Variants in AZIN2 observed in about 807,000 individuals in gnomAD.
AZIN2 encodes the protein antizyme inhibitor 2.
A neutral mutation model predicts 47.8 loss-of-function variants in AZIN2; 28 were observed. That is an observed-to-expected ratio of 0.59 (90% CI 0.43 to 0.80). AZIN2 has a LOEUF of 0.80. Ranked by LOEUF, AZIN2 falls within the 30% of genes least tolerant of loss-of-function variation. The pLI, the probability that AZIN2 is intolerant of heterozygous loss-of-function variation, is 0.00. For missense variants in AZIN2, 535 were observed against 582.5 expected (o/e 0.92, Z 0.84); for synonymous variants, 221 against 239.4 (o/e 0.92, Z 0.71).
the AZIN2 span, chr1:33,147,438 G>C: frequency 6.2e-7 from 1 of 1,613,912 alleles, no homozygotes; most frequent in Non-Finnish European, 8.5e-7. The surrounding 1 kb of genome is among the most constrained non-coding windows in gnomAD (Gnocchi z 8.1). Flanking sequence ...CGTGCATCAC[G>C]ATGCAGTAGA....
At chr1:33,096,953 C>G in intron 9 of AZIN2, 84 bp downstream of exon 9, 1 of 1,546,858 alleles carries the variant, frequency 6.5e-7, no homozygotes, top group Non-Finnish European at 8.9e-7. Context: ...GTTTTAGACC[C>G]AGTGGCAGAG....
At chr1:33,138,565 T>TCGTG in the AZIN2 span, among the ~76,000 whole-genome samples, 1 of 149,390 alleles carries the variant, frequency 6.7e-6, no homozygotes, top group Non-Finnish European at 1.5e-5. Flanking sequence ...GGCACTGTGA[T>TCGTG]CGTGCCACTG....
At chr1:33,089,254 C>T (rs74064964) in intron 5 of AZIN2, among the ~76,000 whole-genome samples, 2 of 152,148 alleles carry the variant, frequency 1.3e-5, no homozygotes, top group Admixed American at 6.5e-5. Flanking sequence ...ATACTTAATG[C>T]AGTGACTGGC....
the AZIN2 span, among the ~76,000 whole-genome samples, chr1:33,143,873 A>G: frequency 6.6e-6 from 1 of 152,364 alleles, no homozygotes; most frequent in South Asian, 2.1e-4. Flanking sequence ...GTTTGCCAGC[A>G]TAATTTCACA....
intron 8 of AZIN2, 113 bp downstream of exon 8, chr1:33,094,826 C>CA: frequency 6.9e-6 from 8 of 1,166,020 alleles, no homozygotes; most frequent in Non-Finnish European, 9.9e-6. Flanking sequence ...GCATGCAGTG[C>CA]TTGGTGCTTA....
chr1:33,152,344 T>G, the AZIN2 span, among the ~76,000 whole-genome samples: 1 of 152,100 alleles, frequency 6.6e-6, no homozygotes, highest in Non-Finnish European at 1.5e-5. Flanking sequence ...GGCAGGCGGA[T>G]CACCTGAGGT....
At chr1:33,116,738 C>T (rs933280055) in intron 10 of AZIN2, among the ~76,000 whole-genome samples, 16 of 152,114 alleles carry the variant, frequency 1.1e-4, no homozygotes, top group African/African-American at 3.9e-4. Flanking sequence ...GAGCATGGAG[C>T]TTTAGGAAAG....
chr1:33,092,854 C>G (rs1370537952), intron 6 of AZIN2, among the ~76,000 whole-genome samples: 1 of 152,128 alleles, frequency 6.6e-6, no homozygotes, highest in African/African-American at 2.4e-5. Context: ...CACCCTTGGA[C>G]TTCCCAGGAG....
At chr1:33,156,125 G>T in the AZIN2 span, among the ~76,000 whole-genome samples, 1 of 152,200 alleles carries the variant, frequency 6.6e-6, no homozygotes, top group Non-Finnish European at 1.5e-5. Flanking sequence ...CGCAGTCAAG[G>T]CTGGGCTGCA....
chr1:33,165,607 C>G, the AZIN2 span: 8 of 1,544,776 alleles, frequency 5.2e-6, no homozygotes, highest in Non-Finnish European at 7.0e-6. This position sits in a 1 kb window ranked among gnomAD's most constrained non-coding sequence, Gnocchi z 4.0. Flanking sequence ...AGGGGCCATG[C>G]CTGGCCCAGG....
chr1:33,117,241 T>C (rs1644586705), intron 10 of AZIN2, among the ~76,000 whole-genome samples: 1 of 152,192 alleles, frequency 6.6e-6, no homozygotes, highest in Non-Finnish European at 1.5e-5. Flanking sequence ...AAGTCCATCT[T>C]TCTCATTAGA....
chr1:33,094,474 T>C, intron 7 of AZIN2, 74 bp from the exon 8 acceptor site: 1 of 1,486,854 alleles, frequency 6.7e-7, no homozygotes, highest in East Asian at 2.3e-5. Context: ...CTGCCCAATG[T>C]CATTCTTGGC....
Position 33,116,403 on chromosome 1 carries a change from TC to T in AZIN2, c.1030-1497del, listed in dbSNP as rs562961198. 2.9e-3 allele frequency among the ~76,000 whole-genome samples: 442 copies of T among 152,348 alleles called. 4 individuals carry two copies. The highest frequency in any genetic ancestry group is 0.01 in the African/African-American group (426 of 41,584). On this transcript the variant is annotated intron_variant, in intron 10 of 11. Coordinates refer to ENST00000294517, the MANE Select transcript of AZIN2 (RefSeq NM_052998.4). ...TCTGGCTAAGGTATTGAAACGCCTT[TC>T]CTTTTTTCTCTGCTGGTCTTCTCTG...
In AZIN2 at chr1:33,113,459, AT is replaced by A. The variant is rs1227403048; in HGVS notation, c.1030-4439del. Among the ~76,000 whole-genome samples, 1 of 151,856 alleles carries A rather than the reference AT, an allele frequency of 6.6e-6. No individual in the cohort carries two copies. The highest frequency in any genetic ancestry group is 1.5e-5 in the Non-Finnish European group (1 of 67,970). On this transcript the variant is annotated intron_variant, in intron 10 of 11. Transcript: ENST00000294517. The surrounding 1 kb of genome is among the most constrained non-coding windows in gnomAD (Gnocchi z 4.1). ...TAGTAACCACACCCACCCCCTTAAGATTTTCCAGGTGGGCAAATACGTTATC... is the reference window on the plus strand; with the variant it reads ...TAGTAACCACACCCACCCCCTTAAGATTTCCAGGTGGGCAAATACGTTATC...
rs1225674150 is a variant in AZIN2 at position 33,096,858 on chromosome 1, C to G, written c.905C>G (p.Pro302Arg). Residue 302 changes from proline to arginine, a missense_variant, in exon 9 of 12, where the codon CCT becomes CGT. Pro to Arg is a moderately radical substitution (Grantham distance 103, BLOSUM62 -2). Around this residue, in one of 3 missense-constraint regions of AZIN2, gnomAD observed 409 missense variants for 429.0 expected, o/e 0.95. Transcript: ENST00000294517. ...AAGAAGGAGGTTCTGCTAGACCAGC[C>G]TGGCAGGGAGGGTAGGTGCCAGGTG... ...IAKKEVLLDQ[P>R]GREEENGSTS... 6.2e-7 allele frequency: 1 copy of G among 1,614,132 alleles called. No homozygotes were observed. The highest frequency in any genetic ancestry group is 1.3e-5 in the African/African-American group (1 of 75,036).
the AZIN2 span, among the ~76,000 whole-genome samples, chr1:33,144,794 C>T: frequency 6.6e-6 from 1 of 152,148 alleles, no homozygotes; most frequent in Non-Finnish European, 1.5e-5. Context: ...GGTTCCATAC[C>T]CGTCACAGCC....
rs376025317 is a variant in AZIN2, at chr1:33,112,724, A to G, written c.1030-5178A>G. Among the ~76,000 whole-genome samples, 7 of 152,336 alleles carry G rather than the reference A, an allele frequency of 4.6e-5. No homozygotes were observed. In the South Asian group the frequency reaches 8.3e-4, roughly 18 times the overall value. Reference sequence around the variant, plus strand: ...GTTATATCTTAGACATGATACAAATATTCTTTTGTATAAATTATTTAACAA... The same window carrying G: ...GTTATATCTTAGACATGATACAAATGTTCTTTTGTATAAATTATTTAACAA... On this transcript the variant is annotated intron_variant, in intron 10 of 11. Transcript: ENST00000294517.
chr1:33,096,532 C>T (rs995904807), intron 8 of AZIN2, among the ~76,000 whole-genome samples, 175 bp from the exon 9 acceptor site: 1 of 152,186 alleles, frequency 6.6e-6, no homozygotes, highest in Non-Finnish European at 1.5e-5. Flanking sequence ...CTCTGTCCCC[C>T]TCCTACCTTC....
Position 33,108,342 on chromosome 1 carries a change from C to CTTTTTTTTTT in AZIN2, c.1030-9551_1030-9542dup, listed in dbSNP as rs34834263. On this transcript the variant is annotated intron_variant, in intron 10 of 11. Transcript: ENST00000294517. Reference sequence around the variant, plus strand: ...AATGGATTAAAGACTTTCAGATTGACTTTTTTTTTTTTTTTTTTGAGACAG... The same window carrying CTTTTTTTTTT: ...AATGGATTAAAGACTTTCAGATTGACTTTTTTTTTTTTTTTTTTTTTTTTTTTTGAGACAG... 5.9e-3 allele frequency among the ~76,000 whole-genome samples: 799 copies of CTTTTTTTTTT among 134,610 alleles called. 12 individuals are homozygous for CTTTTTTTTTT. Among genetic ancestry groups the CTTTTTTTTTT allele is most frequent in the African/African-American group, 0.021 (746 of 35,902 alleles). 88.3% of individuals were successfully genotyped at this position (134,610 alleles called of 152,430 possible).
Sources: allele counts gnomAD v4.1 joint callset (sites outside exome capture counted in the v4.1 genomes callset), GRCh38; gene constraint gnomAD v4.1.1; regional missense constraint gnomAD v4.1.1; non-coding constraint Gnocchi (gnomAD v3.1); transcripts MANE v1.5; gene names NCBI Gene and HGNC (gene_info 2026-07-23, HGNC 2026-07-21).